Variants in TBC1D31 observed in about 807,000 individuals in gnomAD.
TBC1D31 encodes WD repeat domain 67.
TBC1D31 carries 99 observed loss-of-function variants against 132.9 expected under a neutral mutation model. The observed-to-expected ratio is 0.74, with a 90% CI of 0.63 to 0.88. The LOEUF is 0.88. Ranked by LOEUF, TBC1D31 falls within the 40% of genes least tolerant of loss-of-function variation. The pLI is 0.00. For missense variants in TBC1D31, 1,134 were observed against 1,256.6 expected (o/e 0.90, Z 1.48); for synonymous variants, 385 against 419.4 (o/e 0.92, Z 1.00).
intron 7 of TBC1D31, among the ~76,000 whole-genome samples, chr8:123,101,596 G>A (rs1334364128): frequency 1.3e-5 from 2 of 152,014 alleles, no homozygotes; most frequent in Admixed American, 6.5e-5. Context: ...TGTATTTTTA[G>A]TAAAGATGGG....
At chr8:123,148,791 G>C (rs1822492308) in intron 20 of TBC1D31, among the ~76,000 whole-genome samples, 1 of 152,172 alleles carries the variant, frequency 6.6e-6, no homozygotes, top group African/African-American at 2.4e-5. Flanking sequence ...GCCAAATCAT[G>C]CCTACTTTTA....
intron 11 of TBC1D31, among the ~76,000 whole-genome samples, chr8:123,121,587 C>T (rs1400488464): frequency 6.6e-6 from 1 of 152,054 alleles, no homozygotes; most frequent in Non-Finnish European, 1.5e-5. Flanking sequence ...AGTGTGGCAC[C>T]ACCTGCCCTG....
chr8:123,114,317 T>TG (rs1554614954), intron 10 of TBC1D31, among the ~76,000 whole-genome samples: 12 of 151,520 alleles, frequency 7.9e-5, no homozygotes, highest in Admixed American at 7.9e-4. Flanking sequence ...TTGTTTGTTT[T>TG]TTGTTGTTGT....
At chr8:123,102,122 G>A (rs886812126) in intron 7 of TBC1D31, 3 of 404,672 alleles carry the variant, frequency 7.4e-6, no homozygotes, top group Non-Finnish European at 1.5e-5. Context: ...CTCTTCTCTG[G>A]TTATCTAAAA....
intron 1 of TBC1D31, among the ~76,000 whole-genome samples, 200 bp from the exon 2 acceptor site, chr8:123,076,911 A>G (rs2130614950): frequency 6.6e-6 from 1 of 152,290 alleles, no homozygotes; most frequent in South Asian, 2.1e-4. Context: ...GAATGAATAA[A>G]CAGTAGCTAT....
At chr8:123,075,115 C>G (rs1002774578) in intron 1 of TBC1D31, 2 of 152,072 alleles carry the variant, frequency 1.3e-5, no homozygotes, top group Admixed American at 1.3e-4. Flanking sequence ...AATTTTGTAG[C>G]CAGAACATGT....
chr8:123,137,330 C>T (rs953204826), intron 17 of TBC1D31, among the ~76,000 whole-genome samples: 1 of 152,186 alleles, frequency 6.6e-6, no homozygotes, highest in Admixed American at 6.5e-5. Flanking sequence ...TTGTCTGTGT[C>T]AGGGGTCCCC....
At chr8:123,154,160 A>G (rs938894795), downstream of TBC1D31, among the ~76,000 whole-genome samples, 11 of 152,188 alleles carry the variant, frequency 7.2e-5, no homozygotes, top group African/African-American at 2.2e-4. Context: ...ATTTATTAAT[A>G]TGGGTGTGCT....
chr8:123,125,792 A>G (rs548752331), intron 11 of TBC1D31, among the ~76,000 whole-genome samples: 6 of 152,316 alleles, frequency 3.9e-5, no homozygotes, highest in African/African-American at 1.4e-4. Context: ...GAATGCCATC[A>G]GGAGTACTTT....
chr8:123,162,094 T>C, the TBC1D31 span, among the ~76,000 whole-genome samples: 1 of 151,976 alleles, frequency 6.6e-6, no homozygotes, highest in African/African-American at 2.4e-5. Context: ...AAATCTATTT[T>C]GAATATATAT....
chr8:123,119,399 C>T (rs1336960603), intron 10 of TBC1D31, among the ~76,000 whole-genome samples: 3 of 152,164 alleles, frequency 2.0e-5, no homozygotes, highest in Admixed American at 6.5e-5. Context: ...AAATGCCCTA[C>T]GATAGAGATC....
At chr8:123,156,176 C>T (rs1400803691), downstream of TBC1D31, among the ~76,000 whole-genome samples, 1 of 152,184 alleles carries the variant, frequency 6.6e-6, no homozygotes, top group South Asian at 2.1e-4. Context: ...CGTGGTGGCT[C>T]ACACCTGTAA....
At chr8:123,162,912 A>C in the TBC1D31 span, among the ~76,000 whole-genome samples, 2 of 152,028 alleles carry the variant, frequency 1.3e-5, no homozygotes, top group Non-Finnish European at 2.9e-5. Flanking sequence ...AGCTCACTGC[A>C]ACTTCCGCCT....
chr8:123,132,592 T>C (rs995646020), intron 16 of TBC1D31, among the ~76,000 whole-genome samples: 3 of 151,840 alleles, frequency 2.0e-5, no homozygotes, highest in Non-Finnish European at 4.4e-5. Context: ...TTTTGTATTT[T>C]TAGTAGAGAC....
chr8:123,159,008 A>AG, the TBC1D31 span, among the ~76,000 whole-genome samples: 2 of 152,130 alleles, frequency 1.3e-5, no homozygotes, highest in African/African-American at 4.8e-5. Context: ...AATCCGACCC[A>AG]GGGGGCTTAC....
chr8:123,083,000 G>T, intron 3 of TBC1D31, 183 bp downstream of exon 3: 1 of 542,272 alleles, frequency 1.8e-6, no homozygotes, highest in Non-Finnish European at 3.3e-6. Flanking sequence ...TACAAAGTCA[G>T]GGTTTCCTGA....
At chr8:123,143,092 C>G (rs1206139516) in intron 19 of TBC1D31, among the ~76,000 whole-genome samples, 1 of 152,114 alleles carries the variant, frequency 6.6e-6, no homozygotes, top group African/African-American at 2.4e-5. Flanking sequence ...TCAAGGTTAC[C>G]TTACCATCCA....
intron 10 of TBC1D31, among the ~76,000 whole-genome samples, chr8:123,115,186 G>T (rs1479081438): frequency 6.6e-6 from 1 of 152,110 alleles, no homozygotes; most frequent in African/African-American, 2.4e-5. Flanking sequence ...GTGTTACTGT[G>T]TTTTCACCGA....
At chr8:123,156,959 C>A (rs374746949), downstream of TBC1D31, among the ~76,000 whole-genome samples, 4 of 152,236 alleles carry the variant, frequency 2.6e-5, no homozygotes, top group South Asian at 4.1e-4. Flanking sequence ...CTCCTCCCCC[C>A]CGCGACGGCC....
Sources: allele counts gnomAD v4.1 joint callset (sites outside exome capture counted in the v4.1 genomes callset), GRCh38; gene constraint gnomAD v4.1.1; transcripts MANE v1.5; gene names NCBI Gene and HGNC (gene_info 2026-07-23, HGNC 2026-07-21).